The following IRAG1 variants were observed in gnomAD, a reference collection of about 807,000 sequenced individuals.
IRAG1 encodes inositol 1,4,5-triphosphate receptor associated 1.
Under a neutral mutation model 106.2 loss-of-function variants are expected in IRAG1, and 62 were observed. That is an observed-to-expected ratio of 0.58 (90% CI 0.48 to 0.72). The LOEUF (loss-of-function observed/expected upper bound fraction) is 0.72. Among genes scored for constraint, IRAG1 ranks in the 30% least tolerant of loss-of-function variants. IRAG1 has a pLI of 0.00. For synonymous variants in IRAG1, 462 were observed against 443.9 expected, an observed-to-expected ratio of 1.04 and a Z score of -0.51; for missense variants, 1,064 against 1,140.7, an observed-to-expected ratio of 0.93 and a Z score of 0.97.
In IRAG1 at chr11:10,626,467, T is replaced by C; in HGVS notation, c.867A>G (p.Gln289=). The C allele has an allele frequency of 6.2e-7, 1 of 1,613,838 alleles. No individual in the cohort carries two copies. Among genetic ancestry groups the C allele is most frequent in the Non-Finnish European group, 8.5e-7 (1 of 1,179,818 alleles). ...ACTGGAGGGGATCGAAGTTTTCCTTTTGTTCTATTGCAATCTCTTTGGACT... is the reference window on the plus strand; with the variant it reads ...ACTGGAGGGGATCGAAGTTTTCCTTCTGTTCTATTGCAATCTCTTTGGACT... The part of the protein sequence containing the change: ...VEKSKEIAIE[Q]KENFDPLQYP... The change falls in exon 9 of 21, where the codon CAA becomes CAG. Residue 289 remains glutamine, a synonymous_variant. Coordinates refer to ENST00000423302, the MANE Select transcript of IRAG1 (RefSeq NM_130385.4).
At chr11:10,592,343 AG>A (rs1852773860) in intron 17 of IRAG1, among the ~76,000 whole-genome samples, 2 of 152,252 alleles carry the variant, frequency 1.3e-5, no homozygotes, top group Non-Finnish European at 1.5e-5. Context: ...TTATGCTTTT[AG>A]GCAAAGTATG....
At chr11:10,684,854 A>G (rs1049540295) in intron 1 of IRAG1, among the ~76,000 whole-genome samples, 11 of 152,132 alleles carry the variant, frequency 7.2e-5, no homozygotes, top group African/African-American at 2.7e-4. Flanking sequence ...GGGATCTGCA[A>G]TTTCTTGTGT....
At chr11:10,602,107 A>G (rs1221841457) in intron 14 of IRAG1, among the ~76,000 whole-genome samples, 1 of 152,218 alleles carries the variant, frequency 6.6e-6, no homozygotes, top group Admixed American at 6.5e-5. Flanking sequence ...ACTTCCCTAG[A>G]GTCCTCCCGT....
chr11:10,687,559 T>C (rs1861753554), intron 1 of IRAG1: 2 of 768,496 alleles, frequency 2.6e-6, no homozygotes, highest in Non-Finnish European at 3.5e-6. Flanking sequence ...ATACGGGTGA[T>C]ATTAGTCTCT....
rs1004459355 is a variant in IRAG1, at chr11:10,665,974, G to A, written c.68-13792C>T. Among the ~76,000 whole-genome samples the A allele has an allele frequency of 3.3e-5, 5 of 152,166 alleles. No homozygotes were observed. Among genetic ancestry groups the A allele is most frequent in the Admixed American group, 1.3e-4 (2 of 15,280 alleles). On this transcript the variant is annotated intron_variant, in intron 1 of 20. Coordinates refer to ENST00000423302, the MANE Select transcript of IRAG1 (RefSeq NM_130385.4). The surrounding 1 kb of genome is among the most constrained non-coding windows in gnomAD (Gnocchi z 4.2). ...GCAATGGCAGGGGTGGGTGGAAGCCGGGAGGGTAGAGCCTGGGAATGGCTC... is the reference window on the plus strand; with the variant it reads ...GCAATGGCAGGGGTGGGTGGAAGCCAGGAGGGTAGAGCCTGGGAATGGCTC...
chr11:10,630,865 C>T (rs568620404), intron 4 of IRAG1, among the ~76,000 whole-genome samples: 2 of 152,342 alleles, frequency 1.3e-5, no homozygotes, highest in Admixed American at 6.5e-5. Context: ...TAACCCCCCT[C>T]CCCTGTGCCA....
chr11:10,653,301 G>A (rs1858670166), intron 1 of IRAG1, among the ~76,000 whole-genome samples: 1 of 152,234 alleles, frequency 6.6e-6, no homozygotes, highest in Admixed American at 6.5e-5. Flanking sequence ...AAGTGTGCCT[G>A]AAGCCTGAAC....
intron 20 of IRAG1, among the ~76,000 whole-genome samples, chr11:10,579,133 T>C (rs1166123107): frequency 2.0e-5 from 3 of 152,280 alleles, no homozygotes; most frequent in East Asian, 1.9e-4. Flanking sequence ...AGTGTGTGAT[T>C]TGTTTTCAGT....
rs1057501939 is a variant in IRAG1 at position 10,633,296 on chromosome 11, C to T, written c.329+672G>A. Among the ~76,000 whole-genome samples the T allele has an allele frequency of 8.5e-5, 13 of 152,086 alleles. 1 individual carries two copies. Among genetic ancestry groups the T allele is most frequent in the South Asian group, 2.1e-4 (1 of 4,822 alleles). On this transcript the variant is annotated intron_variant, in intron 3 of 20. Transcript: ENST00000423302. ...TTCACTGTGTTAGCCAGGATGGTCT[C>T]GATCTCCTGACCTCATGATTCACCC...
At position 10,677,432 on chromosome 11, in the gene IRAG1, G is replaced by A. The variant is rs996151885; in HGVS notation, c.67+16104C>T. On this transcript the variant is annotated intron_variant, in intron 1 of 20. Coordinates refer to ENST00000423302, the MANE Select transcript of IRAG1 (RefSeq NM_130385.4). ...TCTTACTCCTTTCAGGATCCCCTGG[G>A]ATCCTTACACAAGATTTGCTCACTC... Among the ~76,000 whole-genome samples the A allele has an allele frequency of 2.0e-5, 3 of 152,082 alleles. No individual in the cohort carries two copies. In the East Asian group the frequency reaches 5.8e-4, roughly 29 times the overall value.
intron 1 of IRAG1, among the ~76,000 whole-genome samples, chr11:10,692,831 C>T (rs938085343): frequency 2.0e-5 from 3 of 152,192 alleles, no homozygotes; most frequent in Non-Finnish European, 2.9e-5. Context: ...CTCTGGCTTC[C>T]ACTGGCTTTT....
rs543314472 is a variant in IRAG1 at position 10,581,927 on chromosome 11, C to A, written c.2300G>T (p.Cys767Phe). ...EASAPALTLSCLEELSQETKA... is the reference protein window; with the variant it reads ...EASAPALTLSFLEELSQETKA... ...GGTCTCCTGACTAAGCTCCTCCAGG[C>A]AGCTCAGGGTCAGCGCAGGAGCAGA... The change falls in exon 19 of 21, where the codon TGC (cysteine) becomes TTC (phenylalanine). Residue 767 changes from cysteine to phenylalanine, a missense_variant. Transcript: ENST00000423302. The A allele has an allele frequency of 3.7e-6, 6 of 1,613,958 alleles. No homozygotes were observed. In the African/African-American group the frequency reaches 8.0e-5, roughly 22 times the overall value.
Position 10,609,752 on chromosome 11 carries a change from C to G in IRAG1, c.1547G>C (p.Arg516Pro). The change falls in exon 11 of 21, where the codon CGG becomes CCG. Residue 516 changes from arginine to proline, a missense_variant. Transcript: ENST00000423302. ...NISDVLLRKLRVHRSLPGSAP... is the reference protein window; with the variant it reads ...NISDVLLRKLPVHRSLPGSAP... ...CCTTCCAGGGAGACTCCTGTGGACCCGCAGTTTGCGCAGCAGCACATCAGA... is the reference window on the plus strand; with the variant it reads ...CCTTCCAGGGAGACTCCTGTGGACCGGCAGTTTGCGCAGCAGCACATCAGA... 1 of 1,613,800 alleles carries G rather than the reference C, an allele frequency of 6.2e-7. No individual in the cohort carries two copies. Among genetic ancestry groups the G allele is most frequent in the Non-Finnish European group, 8.5e-7 (1 of 1,179,794 alleles).
intron 2 of IRAG1, among the ~76,000 whole-genome samples, chr11:10,649,839 C>A (rs978526736): frequency 6.6e-6 from 1 of 152,150 alleles, no homozygotes; most frequent in Admixed American, 6.5e-5. Flanking sequence ...AGTTCAGTCT[C>A]CCTGTGACCC....
intron 2 of IRAG1, among the ~76,000 whole-genome samples, chr11:10,643,464 C>T (rs1206615041): frequency 3.3e-5 from 5 of 152,228 alleles, no homozygotes; most frequent in Admixed American, 3.3e-4. Flanking sequence ...TAAAGAACAA[C>T]TGCCTTGTTC....
At chr11:10,640,502 TCTC>T (rs1857435599) in intron 2 of IRAG1, among the ~76,000 whole-genome samples, 2 of 152,236 alleles carry the variant, frequency 1.3e-5, no homozygotes, top group South Asian at 2.1e-4. Flanking sequence ...CTGGGCAACT[TCTC>T]CTTTTCTGCA....
At position 10,578,676 on chromosome 11, in the gene IRAG1, T is replaced by C. The variant is rs117057312; in HGVS notation, c.2495+1779A>G. Among the ~76,000 whole-genome samples the C allele has an allele frequency of 5.1e-3, 774 of 152,292 alleles. 6 individuals are homozygous for C. Among genetic ancestry groups the C allele is most frequent in the Non-Finnish European group, 6.6e-3 (452 of 68,022 alleles). ...TGCATGATAAATGTTACAGGCACCATTGCCACTCACTGATGACCAGGAGCT... is the reference window on the plus strand; with the variant it reads ...TGCATGATAAATGTTACAGGCACCACTGCCACTCACTGATGACCAGGAGCT... On this transcript the variant is annotated intron_variant, in intron 20 of 20. Coordinates refer to ENST00000423302, the MANE Select transcript of IRAG1 (RefSeq NM_130385.4).
chr11:10,583,963 A>T (rs985941803), intron 18 of IRAG1, among the ~76,000 whole-genome samples: 4 of 152,092 alleles, frequency 2.6e-5, no homozygotes, highest in Admixed American at 2.6e-4. Context: ...GGTGTAAAAG[A>T]GTTATATGAG....
Position 10,641,199 on chromosome 11 carries a change from C to T in IRAG1, c.226-7128G>A, listed in dbSNP as rs183985053. Among the ~76,000 whole-genome samples the T allele has an allele frequency of 3.9e-3, 596 of 152,276 alleles. 9 individuals carry two copies. The highest frequency in any genetic ancestry group is 0.014 in the African/African-American group (561 of 41,550). ...ATTTTCATTTTCCAAATCTGGCAGC[C>T]CTAGATGGCAAGCCTGTGGAAGTGC... On this transcript the variant is annotated intron_variant, in intron 2 of 20. Coordinates refer to ENST00000423302, the MANE Select transcript of IRAG1 (RefSeq NM_130385.4).
Sources: allele counts gnomAD v4.1 joint callset (sites outside exome capture counted in the v4.1 genomes callset), GRCh38; gene constraint gnomAD v4.1.1; non-coding constraint Gnocchi (gnomAD v3.1); transcripts MANE v1.5; gene names NCBI Gene and HGNC (gene_info 2026-07-23, HGNC 2026-07-21).